Variants in CSMD1 observed in about 807,000 individuals in gnomAD.
CSMD1 encodes CUB and Sushi multiple domains 1, also known as CUB and sushi domain-containing protein 1.
In CSMD1, 213 loss-of-function variants were observed where a neutral mutation model predicts 417.5. The ratio of observed to expected loss-of-function variants is 0.51; its 90% CI spans 0.46 to 0.57. The LOEUF (loss-of-function observed/expected upper bound fraction) is 0.57, where lower values mean the gene tolerates loss of function less well. Among genes scored for constraint, CSMD1 ranks in the 20% least tolerant of loss-of-function variants. The pLI is 0.00. For missense variants in CSMD1, 6,923 were observed against 4,529.7 expected, an observed-to-expected ratio of 1.53 and a Z score of -15.17; for synonymous variants, 2,862 against 1,736.8, an observed-to-expected ratio of 1.65 and a Z score of -16.11.
intron 5 of CSMD1, among the ~76,000 whole-genome samples, chr8:3,882,815 C>T (rs548049819): frequency 1.8e-4 from 28 of 152,238 alleles, no homozygotes; most frequent in African/African-American, 6.3e-4. Flanking sequence ...CAGAATGTGT[C>T]AAAATAGGCA....
chr8:3,433,493 T>A (rs923602769), intron 12 of CSMD1, among the ~76,000 whole-genome samples: 1 of 152,180 alleles, frequency 6.6e-6, no homozygotes, highest in Admixed American at 6.5e-5. Context: ...GCGGATTGCT[T>A]CTTGGTTCAT....
chr8:4,491,428 T>C (rs1488777652), intron 2 of CSMD1, among the ~76,000 whole-genome samples: 1 of 152,134 alleles, frequency 6.6e-6, no homozygotes, highest in African/African-American at 2.4e-5. Context: ...CTAGCTGTGA[T>C]AAGGTCAGCA....
chr8:3,984,768 C>CGTGT (rs370317456), intron 5 of CSMD1, among the ~76,000 whole-genome samples: 6 of 78,294 alleles, frequency 7.7e-5, no homozygotes, highest in South Asian at 3.7e-4. Context: ...TGTATTTGTG[C>CGTGT]GTGTGTGTGT....
chr8:4,115,581 C>A (rs1427264532), intron 3 of CSMD1, among the ~76,000 whole-genome samples: 4 of 152,158 alleles, frequency 2.6e-5, no homozygotes, highest in Admixed American at 2.0e-4. Context: ...AGGAACTTAA[C>A]TGATCATACA....
intron 1 of CSMD1, among the ~76,000 whole-genome samples, chr8:4,930,263 A>G (rs1807158597): frequency 6.6e-6 from 1 of 152,206 alleles, no homozygotes; most frequent in Non-Finnish European, 1.5e-5. Flanking sequence ...CACAAATATT[A>G]AAACAAAATT....
Position 3,274,549 on chromosome 8 carries a change from A to T in CSMD1, c.4153+9595T>A, listed in dbSNP as rs577240892. On this transcript the variant is annotated intron_variant, in intron 26 of 69. Transcript: ENST00000635120. Reference sequence around the variant, plus strand: ...GGGGTGTTAAAGTCTCCCATTATTAATGTGTGGGAGTCTAAGTCTCTTTGT... The same window carrying T: ...GGGGTGTTAAAGTCTCCCATTATTATTGTGTGGGAGTCTAAGTCTCTTTGT... Among the ~76,000 whole-genome samples the T allele has an allele frequency of 2.6e-4, 39 of 152,036 alleles. No homozygotes were observed. The East Asian group carries it at 3.3e-3, about 13-fold the overall frequency.
intron 7 of CSMD1, among the ~76,000 whole-genome samples, chr8:3,624,352 T>A (rs111557670): frequency 1.6e-4 from 25 of 152,308 alleles, no homozygotes; most frequent in African/African-American, 5.8e-4. Flanking sequence ...ACAGATTGGC[T>A]TGAATGTTAA....
At chr8:4,241,588 C>G (rs752468219) in intron 3 of CSMD1, among the ~76,000 whole-genome samples, 8 of 152,146 alleles carry the variant, frequency 5.3e-5, no homozygotes, top group African/African-American at 1.7e-4. Context: ...ACCCTAAATA[C>G]CCGGAACACA....
intron 3 of CSMD1, among the ~76,000 whole-genome samples, chr8:4,212,272 T>C (rs1313772573): frequency 1.3e-5 from 2 of 151,838 alleles, no homozygotes; most frequent in Non-Finnish European, 2.9e-5. Context: ...CTCAGATAAA[T>C]ACTATTCTAC....
intron 12 of CSMD1, among the ~76,000 whole-genome samples, chr8:3,438,368 T>G (rs7813358): frequency 6.6e-6 from 1 of 151,884 alleles, no homozygotes; most frequent in Non-Finnish European, 1.5e-5. Flanking sequence ...ATACAGAACA[T>G]GTCCAGCAAC....
chr8:4,470,562 G>A (rs186695516), intron 2 of CSMD1, among the ~76,000 whole-genome samples: 11 of 152,308 alleles, frequency 7.2e-5, no homozygotes, highest in Admixed American at 3.9e-4. Flanking sequence ...AGGATTCAGA[G>A]TGAATGTACA....
chr8:4,000,952 A>T (rs1815624778), intron 4 of CSMD1, among the ~76,000 whole-genome samples: 1 of 152,102 alleles, frequency 6.6e-6, no homozygotes, highest in Admixed American at 6.5e-5. Flanking sequence ...GATTAATGAC[A>T]TATTAATTGA....
chr8:3,738,171 T>G (rs1458929955), intron 6 of CSMD1, among the ~76,000 whole-genome samples: 2 of 152,206 alleles, frequency 1.3e-5, no homozygotes, highest in African/African-American at 4.8e-5. Flanking sequence ...TATATGCCCT[T>G]TGATCTATAC....
At chr8:4,359,379 G>C (rs921014388) in intron 3 of CSMD1, among the ~76,000 whole-genome samples, 1 of 152,058 alleles carries the variant, frequency 6.6e-6, no homozygotes, top group South Asian at 2.1e-4. Flanking sequence ...TTATCAATAG[G>C]GTTTAAACTC....
intron 13 of CSMD1, 54 bp from the exon 14 acceptor site, chr8:3,408,279 C>T (rs1397037597): frequency 5.1e-6 from 7 of 1,375,692 alleles, no homozygotes; most frequent in South Asian, 1.4e-5. Context: ...CAAAGAATTG[C>T]CATGTGAAAC....
At chr8:4,652,212 C>T (rs896865126) in intron 1 of CSMD1, among the ~76,000 whole-genome samples, 2 of 151,936 alleles carry the variant, frequency 1.3e-5, no homozygotes, top group Admixed American at 6.6e-5. Context: ...TCAAAAGAAC[C>T]ATAAAAATCA....
intron 5 of CSMD1, among the ~76,000 whole-genome samples, chr8:3,972,158 C>G (rs77024496): frequency 0.015 from 2,288 of 152,164 alleles, 57 homozygotes; most frequent in African/African-American, 0.052. Flanking sequence ...GGTTGAACCC[C>G]TGTGCCTGGC....
At chr8:4,557,996 G>A (rs1798171164) in intron 2 of CSMD1, among the ~76,000 whole-genome samples, 1 of 152,102 alleles carries the variant, frequency 6.6e-6, no homozygotes, top group Admixed American at 6.5e-5. Context: ...GTGACCAGCT[G>A]CCTTTGACTG....
At chr8:3,684,099 A>C (rs1325988579) in intron 7 of CSMD1, among the ~76,000 whole-genome samples, 1 of 146,030 alleles carries the variant, frequency 6.8e-6, no homozygotes, top group Non-Finnish European at 1.5e-5. Flanking sequence ...AAATGTATAG[A>C]TATTATATAT....
Sources: allele counts gnomAD v4.1 joint callset (sites outside exome capture counted in the v4.1 genomes callset), GRCh38; gene constraint gnomAD v4.1.1; transcripts MANE v1.5; gene names NCBI Gene and HGNC (gene_info 2026-07-23, HGNC 2026-07-21).